Variants in METTL9 observed in about 807,000 individuals in gnomAD.
The protein encoded by METTL9 is protein-L-histidine N-pros-methyltransferase.
A neutral mutation model predicts 36.0 loss-of-function variants in METTL9; 10 were observed. The ratio of observed to expected loss-of-function variants is 0.28; its 90% CI spans 0.17 to 0.47. The LOEUF is 0.47. Among genes scored for constraint, METTL9 ranks in the 20% least tolerant of loss-of-function variants. The probability of loss-of-function intolerance (pLI) is 0.99; values close to 1 mark genes in which losing one functional copy is unlikely to be tolerated. For synonymous variants in METTL9, 175 were observed against 149.7 expected, an observed-to-expected ratio of 1.17 and a Z score of -1.23; for missense variants, 246 against 383.5, an observed-to-expected ratio of 0.64 and a Z score of 3.00.
chr16:21,599,604 G>T lies in METTL9; in HGVS notation c.-130G>T, dbSNP rs1034312532. 15 of 1,318,700 alleles carry T rather than the reference G, an allele frequency of 1.1e-5. No homozygotes were observed. Among genetic ancestry groups the T allele is most frequent in the Non-Finnish European group, 1.4e-5 (15 of 1,041,202 alleles). 81.7% of individuals were successfully genotyped at this position (1,318,700 alleles called of 1,614,324 possible). On this transcript the variant is annotated 5_prime_UTR_variant, in exon 1 of 5. In the 5' UTR this introduces an upstream ATG that the reference lacks. Coordinates refer to ENST00000358154, the MANE Select transcript of METTL9 (RefSeq NM_016025.5). The surrounding 1 kb of genome is among the most constrained non-coding windows in gnomAD (Gnocchi z 4.4). ...CCCCACCCCCAGCCTTTGCCCTGAAGGGGGCTGGATGGGCAAGGCGGCCGC... is the reference window on the plus strand; with the variant it reads ...CCCCACCCCCAGCCTTTGCCCTGAATGGGGCTGGATGGGCAAGGCGGCCGC...
chr16:21,646,961 G>C (rs926465325), intron 4 of METTL9: 3 of 829,420 alleles, frequency 3.6e-6, no homozygotes, highest in Non-Finnish European at 6.0e-6. Flanking sequence ...GCCAGTTGGA[G>C]TAGTTCTTTA....
intron 1 of METTL9, among the ~76,000 whole-genome samples, chr16:21,602,200 G>A (rs540463459): frequency 6.6e-6 from 1 of 152,306 alleles, no homozygotes; most frequent in African/African-American, 2.4e-5. Flanking sequence ...TTGCATAAAA[G>A]TAGGGTTGTG....
chr16:21,646,754 C>T (rs1597786169), intron 4 of METTL9: 2 of 309,070 alleles, frequency 6.5e-6, no homozygotes, highest in East Asian at 1.7e-4. Flanking sequence ...TCCTGGGTTA[C>T]AAGCGATTCT....
intron 4 of METTL9, among the ~76,000 whole-genome samples, chr16:21,649,736 A>G (rs1227445857): frequency 1.3e-5 from 2 of 152,152 alleles, no homozygotes; most frequent in Non-Finnish European, 2.9e-5. Flanking sequence ...ATAGGGTCCC[A>G]CTGTGTCGCC....
At chr16:21,619,440 C>G (rs954529454) in intron 3 of METTL9, among the ~76,000 whole-genome samples, 5 of 131,292 alleles carry the variant, frequency 3.8e-5, no homozygotes, top group Non-Finnish European at 6.5e-5. Flanking sequence ...TTTTTTTTTT[C>G]TGGAGATGAA....
chr16:21,627,041 T>A, intron 4 of METTL9: 12 of 985,180 alleles, frequency 1.2e-5, no homozygotes, highest in Non-Finnish European at 1.4e-5. Context: ...GTCTGAGGAG[T>A]CTGGCATGTG....
intron 3 of METTL9, among the ~76,000 whole-genome samples, chr16:21,619,433 T>C (rs1028799528): frequency 9.2e-5 from 14 of 151,910 alleles, no homozygotes; most frequent in Admixed American, 2.0e-4. Flanking sequence ...GGGCCTTTTT[T>C]TTTTTTCTGG....
rs1456619438 is a variant in METTL9 at position 21,641,508 on chromosome 16, T to C, written c.752-13719T>C. The C allele has an allele frequency of 7.5e-6, 11 of 1,462,306 alleles. 1 individual carries two copies. In the South Asian group the frequency reaches 1.2e-4, roughly 16 times the overall value. 90.6% of individuals were successfully genotyped at this position (1,462,306 alleles called of 1,614,324 possible). The stretch of plus-strand genomic sequence containing the variant: ...ATAGCTCCTGGAGTTGGATTTTCAG[T>C]GACTTCATTGAAAATTAAAACGTTT... On this transcript the variant is annotated intron_variant, in intron 4 of 4. Coordinates refer to ENST00000358154, the MANE Select transcript of METTL9 (RefSeq NM_016025.5).
intron 4 of METTL9, among the ~76,000 whole-genome samples, chr16:21,650,333 C>T (rs759848553): frequency 6.6e-6 from 1 of 151,882 alleles, no homozygotes; most frequent in African/African-American, 2.4e-5. Flanking sequence ...ATGGTAAAAC[C>T]CCATCTTTAC....
intron 4 of METTL9, among the ~76,000 whole-genome samples, chr16:21,632,501 A>G (rs1483560225): frequency 6.6e-6 from 1 of 152,206 alleles, no homozygotes; most frequent in Non-Finnish European, 1.5e-5. Flanking sequence ...CTCGGGCCAC[A>G]TAAGTCTGGA....
intron 4 of METTL9, chr16:21,641,248 C>T (rs558052609): frequency 2.9e-4 from 65 of 221,906 alleles, no homozygotes; most frequent in Admixed American, 8.1e-4. Flanking sequence ...TGGCAGTCAT[C>T]ACACATCTCA....
In METTL9 at chr16:21,599,855, G is replaced by C. The variant is rs755213604; in HGVS notation, c.122G>C (p.Gly41Ala). The change falls in exon 1 of 5, where the codon GGT becomes GCT. Residue 41 changes from glycine (G) to alanine (A), a missense_variant. Around this residue, in one of 2 missense-constraint regions of METTL9, gnomAD observed 100 missense variants for 81.4 expected, o/e 1.23. Coordinates refer to ENST00000358154, the MANE Select transcript of METTL9 (RefSeq NM_016025.5). The surrounding 1 kb of genome is among the most constrained non-coding windows in gnomAD (Gnocchi z 4.4). ...TACGTGAACATGACTAGCGGCCCGG[G>C]TGGGCCGGCGGCGGCCGCGGGCGGC... ...SLYVNMTSGP[G>A]GPAAAAGGRK... 23 of 1,505,638 alleles carry C rather than the reference G, an allele frequency of 1.5e-5. No individual in the cohort carries two copies. Among genetic ancestry groups the C allele is most frequent in the Middle Eastern group, 4.1e-4 (2 of 4,910 alleles). 93.3% of individuals were successfully genotyped at this position (1,505,638 alleles called of 1,614,324 possible).
At chr16:21,652,620 T>C (rs367923647) in intron 4 of METTL9, 4 of 1,592,548 alleles carry the variant, frequency 2.5e-6, no homozygotes, top group African/African-American at 2.7e-5. Context: ...CCGGGGCGGG[T>C]TGGGGTGTGT....
At chr16:21,638,111 A>G (rs1184899224) in intron 4 of METTL9, among the ~76,000 whole-genome samples, 1 of 152,148 alleles carries the variant, frequency 6.6e-6, no homozygotes, top group African/African-American at 2.4e-5. Context: ...TGAGGTCAGG[A>G]GTTTGAGACC....
chr16:21,644,330 T>C lies in METTL9; in HGVS notation c.752-10897T>C, dbSNP rs148987305. The C allele has an allele frequency of 3.1e-6, 5 of 1,613,912 alleles. No homozygotes were observed. The highest frequency in any genetic ancestry group is 1.6e-4 in the Middle Eastern group (1 of 6,084). ...GAAGGCCACGCACACACCGGTCACATAGACAGAGAGCAGTGATACAAGAGC... is the reference window on the plus strand; with the variant it reads ...GAAGGCCACGCACACACCGGTCACACAGACAGAGAGCAGTGATACAAGAGC... On this transcript the variant is annotated intron_variant, in intron 4 of 4. Transcript: ENST00000358154.
chr16:21,644,252 G>T, intron 4 of METTL9: 1 of 1,342,704 alleles, frequency 7.4e-7, no homozygotes, highest in Non-Finnish European at 1.1e-6. Context: ...TAATATTCAA[G>T]GATATAGGGA....
At chr16:21,625,339 T>C in intron 4 of METTL9, 1 of 523,324 alleles carries the variant, frequency 1.9e-6, no homozygotes, top group East Asian at 3.4e-5. Context: ...AATTAATATT[T>C]AGCTGGGTCT....
intron 4 of METTL9, chr16:21,644,347 T>TA: frequency 6.2e-7 from 1 of 1,614,056 alleles, no homozygotes; most frequent in Middle Eastern, 1.6e-4. Context: ...AGAGCAGTGA[T>TA]ACAAGAGCTG....
At chr16:21,636,701 C>T (rs1211017928) in intron 4 of METTL9, among the ~76,000 whole-genome samples, 4 of 152,314 alleles carry the variant, frequency 2.6e-5, no homozygotes, top group East Asian at 1.9e-4. Context: ...GGCCAACCAC[C>T]GCTCCCAACT....
Sources: gnomAD v4.1 joint callset for allele counts (sites outside exome capture counted in the v4.1 genomes callset) on GRCh38, gnomAD v4.1.1 for gene constraint, gnomAD v4.1.1 regional missense constraint, Gnocchi (gnomAD v3.1) non-coding constraint, MANE v1.5 for transcripts, NCBI Gene and HGNC (gene_info 2026-07-23, HGNC 2026-07-21) for gene names.